OPCML: variants seen among roughly 807,000 people sequenced by gnomAD.
OPCML encodes opioid-binding protein/cell adhesion molecule.
In OPCML, 13 loss-of-function variants were observed where a neutral mutation model predicts 37.8. The ratio of observed to expected loss-of-function variants is 0.34; its 90% CI spans 0.22 to 0.55. OPCML has a LOEUF of 0.55. OPCML is among the 20% of genes least tolerant of loss of function. The pLI is 0.91. For synonymous variants in OPCML, 176 were observed against 168.8 expected (o/e 1.04, Z -0.33); for missense variants, 341 against 435.6 (o/e 0.78, Z 1.93).
chr11:133,004,158 G>A lies in OPCML; in HGVS notation c.62-61148C>T, dbSNP rs578254600. ...AGCGGGAGCAGGCAGCCCAGAGAGT[G>A]GGTCTCACTCCTCTGCCGTCTCATC... On this transcript the variant is annotated intron_variant, in intron 1 of 7. Transcript: ENST00000524381. 1.7e-3 allele frequency: 1,689 copies of A among 985,400 alleles called. 3 individuals carry two copies. The highest frequency in any genetic ancestry group is 2.6e-3 in the Middle Eastern group (5 of 1,914). The allele number at this position is 985,400 out of a possible 1,614,324, so 61.0% of individuals were successfully genotyped here.
At chr11:132,746,887 G>T (rs774840037) in intron 2 of OPCML, among the ~76,000 whole-genome samples, 1 of 152,100 alleles carries the variant, frequency 6.6e-6, no homozygotes, top group Non-Finnish European at 1.5e-5. Context: ...GGCTTGCGAG[G>T]CTTCCCAGAG....
At chr11:132,718,753 A>G (rs1041956814) in intron 2 of OPCML, among the ~76,000 whole-genome samples, 1 of 152,144 alleles carries the variant, frequency 6.6e-6, no homozygotes, top group Non-Finnish European at 1.5e-5. Flanking sequence ...TACTAAATGA[A>G]GCCCCGTGTT....
chr11:133,247,163 C>T (rs568597342), intron 1 of OPCML, among the ~76,000 whole-genome samples: 9 of 151,880 alleles, frequency 5.9e-5, no homozygotes, highest in Admixed American at 1.3e-4. Flanking sequence ...AAACATATCA[C>T]GAAGAATGAG....
intron 1 of OPCML, among the ~76,000 whole-genome samples, chr11:133,383,802 C>T (rs1944981773): frequency 1.3e-5 from 2 of 152,114 alleles, no homozygotes; most frequent in African/African-American, 4.8e-5. Context: ...ACCGTCTGTT[C>T]CTGAGACTGT....
intron 4 of OPCML, among the ~76,000 whole-genome samples, chr11:132,494,451 G>A (rs2096225045): frequency 6.6e-6 from 1 of 151,986 alleles, no homozygotes; most frequent in Non-Finnish European, 1.5e-5. Flanking sequence ...ATTTTTGACA[G>A]GGGAAGAAAA....
intron 1 of OPCML, among the ~76,000 whole-genome samples, chr11:133,127,612 G>A (rs938883653): frequency 6.7e-6 from 1 of 150,218 alleles, no homozygotes; most frequent in African/African-American, 2.5e-5. Flanking sequence ...CAGCCTGGGT[G>A]ACAGAGAGAG....
chr11:133,238,189 G>A (rs1483659704), intron 1 of OPCML, among the ~76,000 whole-genome samples: 3 of 152,116 alleles, frequency 2.0e-5, no homozygotes, highest in African/African-American at 7.2e-5. Flanking sequence ...GACAGTCCCG[G>A]ATAGCAGGAC....
rs564327539 is a variant in OPCML at position 132,551,911 on chromosome 11, G to T, written c.380-22725C>A. Among the ~76,000 whole-genome samples the T allele has an allele frequency of 3.9e-5, 6 of 152,218 alleles. No homozygotes were observed. The East Asian group carries it at 1.2e-3, about 29-fold the overall frequency. On this transcript the variant is annotated intron_variant, in intron 3 of 7. Coordinates refer to ENST00000524381, the MANE Select transcript of OPCML (RefSeq NM_001012393.5). Reference sequence around the variant, plus strand: ...GTCTTGATAAATTGGCTCTGTCTAGGCAGTGGGCAAGGGGAACCCATTGGG... The same window carrying T: ...GTCTTGATAAATTGGCTCTGTCTAGTCAGTGGGCAAGGGGAACCCATTGGG...
intron 3 of OPCML, among the ~76,000 whole-genome samples, chr11:132,561,690 T>C (rs2096411102): frequency 6.6e-6 from 1 of 152,252 alleles, no homozygotes; most frequent in Non-Finnish European, 1.5e-5. Flanking sequence ...ATGTCATACT[T>C]AATCATTTCT....
intron 1 of OPCML, among the ~76,000 whole-genome samples, chr11:133,332,700 C>G (rs559291041): frequency 2.0e-5 from 3 of 152,132 alleles, no homozygotes; most frequent in East Asian, 3.9e-4. Flanking sequence ...TTTTATGTAT[C>G]TACTGAAATA....
At chr11:132,936,721 A>G (rs1189705858) in intron 2 of OPCML, among the ~76,000 whole-genome samples, 1 of 152,144 alleles carries the variant, frequency 6.6e-6, no homozygotes, top group East Asian at 1.9e-4. Context: ...CATTTCTTAA[A>G]AGAAAATACA....
intron 1 of OPCML, among the ~76,000 whole-genome samples, chr11:133,362,523 A>T (rs1592234895): frequency 6.6e-6 from 1 of 152,292 alleles, no homozygotes; most frequent in African/African-American, 2.4e-5. Context: ...AGGATTATTC[A>T]CTTGGAAAAA....
intron 4 of OPCML, among the ~76,000 whole-genome samples, chr11:132,457,324 T>A (rs1239818890): frequency 1.3e-5 from 2 of 152,120 alleles, no homozygotes; most frequent in Admixed American, 1.3e-4. Flanking sequence ...ATAACACAAG[T>A]GGTGAGACAT....
intron 1 of OPCML, among the ~76,000 whole-genome samples, chr11:133,434,229 T>C (rs1273775650): frequency 1.3e-5 from 2 of 152,136 alleles, no homozygotes; most frequent in African/African-American, 4.8e-5. Context: ...CTTCGCTTAT[T>C]CTGTTTCCTC....
At chr11:133,313,364 A>G (rs1429903832) in intron 1 of OPCML, among the ~76,000 whole-genome samples, 1 of 152,248 alleles carries the variant, frequency 6.6e-6, no homozygotes, top group African/African-American at 2.4e-5. Flanking sequence ...ATAGAGGCAG[A>G]TTCCACTCAA....
At chr11:133,450,676 C>A (rs1401952099) in intron 1 of OPCML, among the ~76,000 whole-genome samples, 1 of 151,502 alleles carries the variant, frequency 6.6e-6, no homozygotes, top group Non-Finnish European at 1.5e-5. Flanking sequence ...CCTTGTGTAC[C>A]CTGTGACTTC....
intron 1 of OPCML, among the ~76,000 whole-genome samples, chr11:133,191,512 T>TGG (rs1480640171): frequency 1.3e-5 from 2 of 150,988 alleles, no homozygotes; most frequent in African/African-American, 2.5e-5. Context: ...TGGGTGTGTG[T>TGG]GTGTGTGTGT....
intron 1 of OPCML, among the ~76,000 whole-genome samples, chr11:133,338,900 C>T (rs1360160489): frequency 1.3e-5 from 2 of 152,148 alleles, no homozygotes; most frequent in Non-Finnish European, 2.9e-5. Context: ...TTTCTCAAGA[C>T]AGGGGTTGCT....
chr11:132,652,103 T>C (rs748920691), intron 3 of OPCML, among the ~76,000 whole-genome samples: 15 of 152,162 alleles, frequency 9.9e-5, no homozygotes, highest in Non-Finnish European at 2.1e-4. Context: ...GACAATGAGA[T>C]TCTGGATCCA....
Sources: allele counts gnomAD v4.1 joint callset (sites outside exome capture counted in the v4.1 genomes callset), GRCh38; gene constraint gnomAD v4.1.1; transcripts MANE v1.5; gene names NCBI Gene and HGNC (gene_info 2026-07-23, HGNC 2026-07-21).